Variants in ELL observed in about 807,000 individuals in gnomAD.
ELL encodes RNA polymerase II elongation factor ELL.
ELL carries 18 observed loss-of-function variants against 64.0 expected under a neutral mutation model. That is an observed-to-expected ratio of 0.28 (90% CI 0.19 to 0.42). ELL has a LOEUF of 0.42. Ranked by LOEUF, ELL falls within the 10% of genes least tolerant of loss-of-function variation. The pLI, the probability that ELL is intolerant of heterozygous loss-of-function variation, is 1.00. For synonymous variants in ELL, 399 were observed against 376.2 expected (o/e 1.06, Z -0.70); for missense variants, 797 against 870.4 (o/e 0.92, Z 1.06).
At chr19:18,496,694 C>A (rs1975661352) in intron 1 of ELL, among the ~76,000 whole-genome samples, 1 of 152,272 alleles carries the variant, frequency 6.6e-6, no homozygotes, top group Non-Finnish European at 1.5e-5. Flanking sequence ...CTGCTGTCCA[C>A]TCAGGTGGTG....
Position 18,450,716 on chromosome 19 carries a change from C to A in ELL, c.1226G>T (p.Arg409Leu), listed in dbSNP as rs1292425325. Residue 409 changes from arginine (R) to leucine (L), a missense_variant, in exon 8 of 12, where the codon CGA becomes CTA. Arg to Leu is a moderately radical substitution (Grantham distance 102, BLOSUM62 -2). Transcript: ENST00000262809. ...DVSNDLGHSG[R>L]DCEHGEAAAP... ...AGCCGCCTCTCCGTGCTCACAGTCTCGGCCGCTGTGGCCCAGGTCATTGCT... is the reference window on the plus strand; with the variant it reads ...AGCCGCCTCTCCGTGCTCACAGTCTAGGCCGCTGTGGCCCAGGTCATTGCT... The A allele has an allele frequency of 6.3e-7, 1 of 1,585,566 alleles. No individual in the cohort carries two copies. Among genetic ancestry groups the A allele is most frequent in the African/African-American group, 1.3e-5 (1 of 74,676 alleles).
chr19:18,452,141 T>A (rs182287058), intron 6 of ELL, among the ~76,000 whole-genome samples: 400 of 152,240 alleles, frequency 2.6e-3, no homozygotes, highest in African/African-American at 8.4e-3. Flanking sequence ...AACACCCCAG[T>A]GCATGCCCCT....
intron 7 of ELL, 61 bp downstream of exon 7, chr19:18,451,491 G>T: frequency 7.6e-7 from 1 of 1,324,200 alleles, no homozygotes; most frequent in Non-Finnish European, 9.9e-7. Context: ...AAGGGTTACT[G>T]ATGCAGCACA....
chr19:18,490,218 G>A (rs889389781), intron 1 of ELL, among the ~76,000 whole-genome samples: 3 of 84,908 alleles, frequency 3.5e-5, no homozygotes, highest in South Asian at 4.8e-4. Flanking sequence ...CCCCACCCAC[G>A]CCTATTATCC....
chr19:18,494,391 T>G (rs980312122), intron 1 of ELL, among the ~76,000 whole-genome samples: 1 of 151,648 alleles, frequency 6.6e-6, no homozygotes, highest in African/African-American at 2.4e-5. Context: ...GTTTCTTTTT[T>G]GTTTTTTTGT....
chr19:18,512,113 C>A (rs1249336625), intron 1 of ELL, among the ~76,000 whole-genome samples: 1 of 151,272 alleles, frequency 6.6e-6, no homozygotes. Flanking sequence ...CAAGATCATG[C>A]CACTGCACTC....
Position 18,449,472 on chromosome 19 carries a change from T to C in ELL, c.1465+1005A>G, listed in dbSNP as rs748609. Among the ~76,000 whole-genome samples, 77,610 of 152,032 alleles carry C rather than the reference T, an allele frequency of 0.51. 23,854 individuals are homozygous for C. The highest frequency in any genetic ancestry group is 0.88 in the African/African-American group (36,434 of 41,520). Reference sequence around the variant, plus strand: ...CAGGGCTGACCCAACCCCGAAAGTCTTCCTTCCTATCCAGTAAGACCCAGC... The same window carrying C: ...CAGGGCTGACCCAACCCCGAAAGTCCTCCTTCCTATCCAGTAAGACCCAGC... On this transcript the variant is annotated intron_variant, in intron 8 of 11. Coordinates refer to ENST00000262809, the MANE Select transcript of ELL (RefSeq NM_006532.4). This position sits in a 1 kb window ranked among gnomAD's most constrained non-coding sequence, Gnocchi z 4.4.
chr19:18,454,130 T>C (rs1413386854), intron 6 of ELL, among the ~76,000 whole-genome samples: 3 of 152,344 alleles, frequency 2.0e-5, no homozygotes, highest in Middle Eastern at 3.4e-3. Flanking sequence ...GTACAAAATG[T>C]TACTGAGCTG....
At chr19:18,520,663 G>A (rs536356298) in intron 1 of ELL, among the ~76,000 whole-genome samples, 2 of 151,888 alleles carry the variant, frequency 1.3e-5, no homozygotes, top group African/African-American at 4.8e-5. Flanking sequence ...GGGGCAGGAA[G>A]AAAGCCACAT....
intron 4 of ELL, 77 bp downstream of exon 4, chr19:18,465,335 C>G: frequency 1.3e-6 from 2 of 1,512,202 alleles, no homozygotes; most frequent in Non-Finnish European, 1.8e-6. Context: ...CAGTGCCCAG[C>G]CTGGACAGGC....
At chr19:18,468,036 C>G (rs1468132209) in intron 2 of ELL, among the ~76,000 whole-genome samples, 1 of 148,102 alleles carries the variant, frequency 6.8e-6, no homozygotes, top group Non-Finnish European at 1.5e-5. Flanking sequence ...CACACATGCA[C>G]AACCCCCACA....
At chr19:18,503,008 C>T (rs1975813045) in intron 1 of ELL, among the ~76,000 whole-genome samples, 1 of 152,228 alleles carries the variant, frequency 6.6e-6, no homozygotes, top group African/African-American at 2.4e-5. Flanking sequence ...GGCTGGGAGG[C>T]ACTGCTCGGC....
chr19:18,454,034 A>G (rs1199090712), intron 6 of ELL, among the ~76,000 whole-genome samples: 1 of 152,082 alleles, frequency 6.6e-6, no homozygotes, highest in Non-Finnish European at 1.5e-5. Context: ...GGGGAGAATG[A>G]CTCCTGATGG....
intron 6 of ELL, among the ~76,000 whole-genome samples, chr19:18,452,981 AATC>A (rs2144897926): frequency 6.6e-6 from 1 of 152,378 alleles, no homozygotes; most frequent in East Asian, 1.9e-4. Context: ...TTAAAAAATA[AATC>A]AACAGGCCGG....
At chr19:18,452,841 AT>A (rs34291395) in intron 6 of ELL, among the ~76,000 whole-genome samples, 1 of 152,238 alleles carries the variant, frequency 6.6e-6, no homozygotes, top group South Asian at 2.1e-4. Flanking sequence ...GCACATCGGG[AT>A]TCAGAGGCCC....
At chr19:18,482,380 T>C (rs1975320225) in intron 1 of ELL, among the ~76,000 whole-genome samples, 1 of 142,168 alleles carries the variant, frequency 7.0e-6, no homozygotes, top group Non-Finnish European at 1.5e-5. Flanking sequence ...TGCAGTGGTG[T>C]GATCTCAGCT....
intron 11 of ELL, among the ~76,000 whole-genome samples, 169 bp from the exon 12 acceptor site, chr19:18,445,037 T>C (rs957100866): frequency 6.6e-6 from 1 of 152,212 alleles, no homozygotes; most frequent in Non-Finnish European, 1.5e-5. Flanking sequence ...CCACAGCTTG[T>C]GTGGCTGGGC....
At chr19:18,462,534 C>CCA (rs1437483072) in intron 4 of ELL, among the ~76,000 whole-genome samples, 2 of 151,996 alleles carry the variant, frequency 1.3e-5, no homozygotes, top group Non-Finnish European at 2.9e-5. Flanking sequence ...CAGGTGTGCA[C>CCA]CACCATGCCT....
At chr19:18,462,993 C>A (rs926367256) in intron 4 of ELL, among the ~76,000 whole-genome samples, 1 of 152,188 alleles carries the variant, frequency 6.6e-6, no homozygotes, top group African/African-American at 2.4e-5. Flanking sequence ...GGGTCCAGCA[C>A]GCTGCTCCCC....
Sources: allele counts gnomAD v4.1 joint callset (sites outside exome capture counted in the v4.1 genomes callset), GRCh38; gene constraint gnomAD v4.1.1; non-coding constraint Gnocchi (gnomAD v3.1); transcripts MANE v1.5; gene names NCBI Gene and HGNC (gene_info 2026-07-23, HGNC 2026-07-21).